The following KIF7 variants were observed in gnomAD, a reference collection of about 807,000 sequenced individuals.
KIF7 encodes kinesin family member 7.
Under a neutral mutation model 135.7 loss-of-function variants are expected in KIF7, and 104 were observed. That is an observed-to-expected ratio of 0.77 (90% CI 0.65 to 0.90). The LOEUF is 0.90. KIF7 is among the 40% of genes least tolerant of loss of function. KIF7 has a pLI of 0.00. For synonymous variants in KIF7, 883 were observed against 809.4 expected (o/e 1.09, Z -1.54); for missense variants, 2,005 against 1,839.1 (o/e 1.09, Z -1.65).
chr15:89,635,197 C>A (rs572708606), intron 11 of KIF7, among the ~76,000 whole-genome samples: 3 of 152,048 alleles, frequency 2.0e-5, no homozygotes, highest in African/African-American at 7.2e-5. Context: ...CATCAAAGAC[C>A]AAAAGTAGAT....
Position 89,646,984 on chromosome 15 carries a change from C to G in KIF7, c.1634G>C (p.Trp545Ser), listed in dbSNP as rs750567055. 82 of 1,613,232 alleles carry G rather than the reference C, an allele frequency of 5.1e-5. No homozygotes were observed. Among genetic ancestry groups the G allele is most frequent in the Admixed American group, 1.3e-4 (8 of 59,978 alleles). ...RLRLELVRPGWGGPRLLNGLP... is the reference protein window; with the variant it reads ...RLRLELVRPGSGGPRLLNGLP... ...GCCATTCAGGAGCCGCGGGCCCCCC[C>G]AGCCTGGCCGCACCAGCTCTAACCG... Residue 545 changes from tryptophan (W) to serine (S), a missense_variant, in exon 7 of 19, where the codon TGG (tryptophan) becomes TCG (serine). Trp to Ser is a radical substitution (Grantham distance 177). Transcript: ENST00000394412.
At chr15:89,648,104 AC>A in intron 5 of KIF7, 150 bp downstream of exon 5, 1 of 1,332,290 alleles carries the variant, frequency 7.5e-7, no homozygotes, top group South Asian at 1.8e-5. Flanking sequence ...TAAGGAAGTG[AC>A]CACGGTAATC....
intron 8 of KIF7, 74 bp downstream of exon 8, chr15:89,645,819 G>A: frequency 6.4e-7 from 1 of 1,557,768 alleles, no homozygotes; most frequent in Non-Finnish European, 8.7e-7. Context: ...AGAGGAGACG[G>A]TGCGATCCCC....
chr15:89,649,662 A>C (rs922306767), intron 3 of KIF7, 79 bp downstream of exon 3: 2 of 1,441,984 alleles, frequency 1.4e-6, no homozygotes, highest in Admixed American at 2.2e-5. Context: ...CCATTCCCAG[A>C]CAGGTAAGCA....
intron 12 of KIF7, 128 bp from the exon 13 acceptor site, chr15:89,633,394 C>T (rs1490427699): frequency 8.8e-6 from 11 of 1,248,972 alleles, no homozygotes; most frequent in African/African-American, 1.5e-5. Context: ...GTCCCCCAGA[C>T]CCATCCCACA....
chr15:89,630,122 C>G, intron 16 of KIF7, 165 bp downstream of exon 16: 1 of 676,728 alleles, frequency 1.5e-6, no homozygotes, highest in Non-Finnish European at 2.5e-6. Flanking sequence ...CTTAGTTTCA[C>G]AAGTAAAATA....
chr15:89,654,667 TCA>T (rs1964179919), intron 1 of KIF7, among the ~76,000 whole-genome samples: 2 of 152,136 alleles, frequency 1.3e-5, no homozygotes, highest in Non-Finnish European at 2.9e-5. Context: ...TTGCACTTTA[TCA>T]CCAGCGCCCA....
chr15:89,653,330 C>T (rs2142037582), intron 1 of KIF7, among the ~76,000 whole-genome samples: 2 of 152,328 alleles, frequency 1.3e-5, no homozygotes, highest in South Asian at 4.1e-4. Flanking sequence ...TTACCACAGT[C>T]TTTGTGTCAA....
downstream of KIF7, chr15:89,626,945 CCTT>C (rs762282870): frequency 2.3e-5 from 37 of 1,612,830 alleles, no homozygotes; most frequent in Admixed American, 6.7e-5. Flanking sequence ...AGCCTTTCTA[CCTT>C]CTTCTAGATG....
chr15:89,660,665 C>A, the KIF7 span, among the ~76,000 whole-genome samples: 4 of 152,230 alleles, frequency 2.6e-5, no homozygotes, highest in Non-Finnish European at 5.9e-5. Flanking sequence ...CAGAAATAAA[C>A]TCCTATCACT....
chr15:89,658,913 G>A (rs930865299), upstream of KIF7, among the ~76,000 whole-genome samples: 2 of 151,962 alleles, frequency 1.3e-5, no homozygotes, highest in East Asian at 1.9e-4. Context: ...TGGATAAAGC[G>A]TTAGAGGAAA....
chr15:89,631,519 C>A lies in KIF7; in HGVS notation c.3087G>T (p.Arg1029Ser), dbSNP rs547282977. The A allele has an allele frequency of 2.5e-6, 4 of 1,581,220 alleles. No homozygotes were observed. The highest frequency in any genetic ancestry group is 3.4e-6 in the Non-Finnish European group (4 of 1,163,184). Reference protein sequence around the residue: ...KQRLEIDGKLRQGSLLSPEEE... With the variant: ...KQRLEIDGKLSQGSLLSPEEE... Reference sequence around the variant, plus strand: ...CCTCGGGGGACAGCAGACTCCCCTGCCTCAGCTTGCCGTCGATCTCCAGGC... The same window carrying A: ...CCTCGGGGGACAGCAGACTCCCCTGACTCAGCTTGCCGTCGATCTCCAGGC... Residue 1029 changes from arginine (R) to serine (S), a missense_variant, in exon 15 of 19, where the codon AGG (arginine) becomes AGT (serine). Coordinates refer to ENST00000394412, the MANE Select transcript of KIF7 (RefSeq NM_198525.3).
At chr15:89,655,827 C>T (rs924884712), upstream of KIF7, among the ~76,000 whole-genome samples, 1 of 152,150 alleles carries the variant, frequency 6.6e-6, no homozygotes, top group Non-Finnish European at 1.5e-5. Flanking sequence ...AAAGTTTTCT[C>T]AGTTATAAGA....
intron 1 of KIF7, among the ~76,000 whole-genome samples, chr15:89,621,131 T>C (rs1243957404): frequency 6.6e-6 from 1 of 152,036 alleles, no homozygotes; most frequent in Non-Finnish European, 1.5e-5. Context: ...GCAATTCTTC[T>C]GCCTCAGCCT....
intron 16 of KIF7, 64 bp from the exon 17 acceptor site, chr15:89,629,637 A>T (rs921871131): frequency 2.5e-6 from 4 of 1,594,418 alleles, no homozygotes; most frequent in Non-Finnish European, 2.6e-6. Context: ...CTAATCCTCA[A>T]TCACAGACAC....
chr15:89,644,536 T>A (rs985675479), intron 10 of KIF7, among the ~76,000 whole-genome samples: 15 of 148,044 alleles, frequency 1.0e-4, no homozygotes, highest in Non-Finnish European at 1.9e-4. Flanking sequence ...AAAAAAAAAA[T>A]TAGGTGGGTG....
chr15:89,653,272 C>G (rs946886495), intron 1 of KIF7, among the ~76,000 whole-genome samples: 14 of 152,208 alleles, frequency 9.2e-5, no homozygotes, highest in African/African-American at 3.1e-4. Flanking sequence ...CGCACACACA[C>G]AGCACCACAC....
chr15:89,647,150 G>A (rs1181364448), intron 6 of KIF7, 93 bp from the exon 7 acceptor site: 4 of 1,090,332 alleles, frequency 3.7e-6, no homozygotes, highest in East Asian at 5.1e-5. Context: ...CCACTCCACC[G>A]TCTCTGGGCT....
At position 89,634,099 on chromosome 15, in the gene KIF7, G is replaced by C. The variant is rs147843004; in HGVS notation, c.2395-216C>G. Among the ~76,000 whole-genome samples the C allele has an allele frequency of 7.9e-3, 1,210 of 152,294 alleles. 17 individuals carry two copies. Among genetic ancestry groups the C allele is most frequent in the African/African-American group, 0.028 (1,149 of 41,554 alleles). On this transcript the variant is annotated intron_variant, in intron 11 of 18. Transcript: ENST00000394412. ...GGATTACTTGAGGTCAGGAGTTTGAGACCAACCTGGCCAACATAGTGAAAT... is the reference window on the plus strand; with the variant it reads ...GGATTACTTGAGGTCAGGAGTTTGACACCAACCTGGCCAACATAGTGAAAT...
Sources: gnomAD v4.1 joint callset for allele counts (sites outside exome capture counted in the v4.1 genomes callset) on GRCh38, gnomAD v4.1.1 for gene constraint, MANE v1.5 for transcripts, NCBI Gene and HGNC (gene_info 2026-07-23, HGNC 2026-07-21) for gene names.